KIAA1328: variants seen among roughly 807,000 people sequenced by gnomAD.
The protein encoded by KIAA1328 is protein hinderin.
Under a neutral mutation model 68.1 loss-of-function variants are expected in KIAA1328, and 52 were observed. The observed-to-expected ratio is 0.76, with a 90% CI of 0.61 to 0.96. KIAA1328 has a LOEUF of 0.96. Among genes scored for constraint, KIAA1328 ranks in the 40% least tolerant of loss-of-function variants. The pLI is 0.00. For synonymous variants in KIAA1328, 232 were observed against 239.4 expected, an observed-to-expected ratio of 0.97 and a Z score of 0.28; for missense variants, 641 against 677.6, an observed-to-expected ratio of 0.95 and a Z score of 0.60.
rs77293544 is a variant in KIAA1328 at position 37,040,530 on chromosome 18, G to T, written c.577-26360G>T. Among the ~76,000 whole-genome samples the T allele has an allele frequency of 2.6e-5, 4 of 151,810 alleles. No individual in the cohort carries two copies. The East Asian group carries it at 7.8e-4, about 29-fold the overall frequency. On this transcript the variant is annotated intron_variant, in intron 6 of 9. Transcript: ENST00000280020. ...TTAATCTTTTCCAAAACTAACTTTG[G>T]ATTTCATTGATTTTTTTCCAATTTT...
intron 9 of KIAA1328, among the ~76,000 whole-genome samples, chr18:37,174,297 A>G (rs1193397147): frequency 1.3e-5 from 2 of 151,646 alleles, no homozygotes; most frequent in African/African-American, 2.4e-5. Flanking sequence ...GACAATGACA[A>G]CCTCTCTATT....
chr18:36,977,699 A>G (rs966632250), intron 6 of KIAA1328, among the ~76,000 whole-genome samples: 1 of 152,136 alleles, frequency 6.6e-6, no homozygotes, highest in Admixed American at 6.5e-5. Flanking sequence ...GGTTCTCAAG[A>G]CAACCCCCAG....
At chr18:37,167,825 T>C (rs1359621713) in intron 8 of KIAA1328, among the ~76,000 whole-genome samples, 1 of 152,128 alleles carries the variant, frequency 6.6e-6, no homozygotes, top group Non-Finnish European at 1.5e-5. Flanking sequence ...ACAGGCCCAA[T>C]GGTGGAACCC....
chr18:36,998,744 A>G (rs2053486026), intron 6 of KIAA1328, among the ~76,000 whole-genome samples: 2 of 152,224 alleles, frequency 1.3e-5, no homozygotes, highest in African/African-American at 4.8e-5. Context: ...AAAGTGCTCT[A>G]CCCAACCAGC....
chr18:36,965,892 G>A (rs146588531), intron 6 of KIAA1328, among the ~76,000 whole-genome samples: 60 of 151,092 alleles, frequency 4.0e-4, no homozygotes, highest in African/African-American at 1.2e-3. Context: ...ACAATCCAGA[G>A]GCATCGTCAT....
chr18:36,907,187 T>G (rs887404729), intron 5 of KIAA1328, among the ~76,000 whole-genome samples: 2 of 152,112 alleles, frequency 1.3e-5, no homozygotes, highest in African/African-American at 4.8e-5. Flanking sequence ...AGGTTTTTTT[T>G]GTAGATTCTT....
At chr18:36,960,660 C>T (rs1420196558) in intron 6 of KIAA1328, among the ~76,000 whole-genome samples, 2 of 152,172 alleles carry the variant, frequency 1.3e-5, no homozygotes, top group Non-Finnish European at 2.9e-5. Flanking sequence ...GCTGGTGATA[C>T]CCAGGCAAAC....
chr18:37,104,905 G>A (rs970628584), intron 7 of KIAA1328, among the ~76,000 whole-genome samples: 1 of 152,160 alleles, frequency 6.6e-6, no homozygotes, highest in Non-Finnish European at 1.5e-5. Flanking sequence ...CCATTTTGGA[G>A]ATCAGTGTGG....
intron 7 of KIAA1328, among the ~76,000 whole-genome samples, chr18:37,117,478 C>T (rs964990140): frequency 7.9e-5 from 12 of 152,058 alleles, no homozygotes; most frequent in Non-Finnish European, 1.3e-4. Context: ...GAACATCCCA[C>T]ACTGGGGCCT....
chr18:37,084,160 T>C (rs1459112653), intron 7 of KIAA1328: 1 of 1,519,742 alleles, frequency 6.6e-7, no homozygotes, highest in Non-Finnish European at 8.8e-7. Flanking sequence ...TCGAGAGAAC[T>C]GGTTGCTGAA....
At position 37,223,996 on chromosome 18, in the gene KIAA1328, C is replaced by T. The variant is rs1295276439; in HGVS notation, c.*1769C>T. 4 of 985,240 alleles carry T rather than the reference C, an allele frequency of 4.1e-6. No individual in the cohort carries two copies. The highest frequency in any genetic ancestry group is 1.7e-5 in the African/African-American group (1 of 57,204). The allele number at this position is 985,240 out of a possible 1,614,324, so 61.0% of individuals were successfully genotyped here. ...AGTTCACCTCTGAGAGTAACCAAAT[C>T]GGTTTCATCCCATATCAAAAAGCCT... On this transcript the variant is annotated 3_prime_UTR_variant, in exon 10 of 10. Transcript: ENST00000280020.
chr18:37,102,321 T>C (rs2057645597), intron 7 of KIAA1328, among the ~76,000 whole-genome samples: 1 of 152,204 alleles, frequency 6.6e-6, no homozygotes, highest in Non-Finnish European at 1.5e-5. Flanking sequence ...TATTGGATGC[T>C]GGGCTTAATA....
At chr18:37,006,664 C>T (rs1279242115) in intron 6 of KIAA1328, among the ~76,000 whole-genome samples, 7 of 151,986 alleles carry the variant, frequency 4.6e-5, no homozygotes, top group Non-Finnish European at 7.4e-5. Flanking sequence ...GCTATCCCTC[C>T]CCGCTCCCCC....
At chr18:37,139,043 G>T (rs1488314866) in intron 7 of KIAA1328, among the ~76,000 whole-genome samples, 1 of 134,560 alleles carries the variant, frequency 7.4e-6, no homozygotes, top group Non-Finnish European at 1.5e-5. Flanking sequence ...TGCAAGCTCC[G>T]CCTCCCGGGT....
chr18:36,873,002 T>C (rs985251967), intron 4 of KIAA1328, among the ~76,000 whole-genome samples: 1 of 152,188 alleles, frequency 6.6e-6, no homozygotes, highest in Non-Finnish European at 1.5e-5. Flanking sequence ...CTTTCTGAGG[T>C]CTTAATGAAA....
intron 7 of KIAA1328, among the ~76,000 whole-genome samples, chr18:37,128,381 C>T (rs1053958000): frequency 6.6e-5 from 10 of 151,968 alleles, no homozygotes; most frequent in African/African-American, 1.2e-4. Flanking sequence ...AGCTGAGGCA[C>T]GAAAACCCTT....
chr18:37,229,707 T>A, downstream of KIAA1328: 1 of 351,190 alleles, frequency 2.8e-6, no homozygotes, highest in Non-Finnish European at 5.1e-6. Flanking sequence ...ACCCCATCTC[T>A]GTATTTTGTA....
intron 5 of KIAA1328, among the ~76,000 whole-genome samples, chr18:36,935,339 G>A (rs765800062): frequency 2.3e-4 from 35 of 152,142 alleles, no homozygotes; most frequent in Non-Finnish European, 3.8e-4. Flanking sequence ...TTACCCTGAT[G>A]TGAAGTCACT....
At chr18:37,187,141 G>T (rs1310533341) in intron 9 of KIAA1328, among the ~76,000 whole-genome samples, 2 of 151,786 alleles carry the variant, frequency 1.3e-5, no homozygotes, top group Non-Finnish European at 2.9e-5. Flanking sequence ...TCCAGCCTGG[G>T]TGACAGAGTG....
Sources: gnomAD v4.1 joint callset for allele counts (sites outside exome capture counted in the v4.1 genomes callset) on GRCh38, gnomAD v4.1.1 for gene constraint, MANE v1.5 for transcripts, NCBI Gene and HGNC (gene_info 2026-07-23, HGNC 2026-07-21) for gene names.